Variants in AMZ1 observed in about 807,000 individuals in gnomAD.
The protein encoded by AMZ1 is archaelysin family metallopeptidase 1, also known as archaemetzincin-1.
In AMZ1, 39 loss-of-function variants were observed where a neutral mutation model predicts 29.9. That is an observed-to-expected ratio of 1.30 (90% CI 1.01 to 1.70). AMZ1 has a LOEUF of 1.70. AMZ1 is among the 40% of genes most tolerant of loss of function. The pLI is 0.00. For synonymous variants in AMZ1, 458 were observed against 304.0 expected (o/e 1.51, Z -5.27); for missense variants, 1,041 against 680.6 (o/e 1.53, Z -5.89).
intron 4 of AMZ1, among the ~76,000 whole-genome samples, chr7:2,752,184 C>T (rs1333936329): frequency 3.9e-5 from 6 of 151,974 alleles, no homozygotes; most frequent in Admixed American, 3.3e-4. Flanking sequence ...GAAAAAAATA[C>T]GAATGTTTCA....
upstream of AMZ1, chr7:2,763,191 A>AACACACACAC (rs56384682): frequency 0.024 from 5,379 of 222,524 alleles, 172 homozygotes; most frequent in South Asian, 0.049. Flanking sequence ...AAGACACCCC[A>AACACACACAC]ACACACACAC....
intron 4 of AMZ1, 52 bp downstream of exon 4, chr7:2,708,768 G>A (rs1237793860): frequency 6.2e-7 from 1 of 1,607,746 alleles, no homozygotes; most frequent in Non-Finnish European, 8.5e-7. Context: ...GCATGGGGCT[G>A]TGGCCTCCGT....
intron 1 of AMZ1, among the ~76,000 whole-genome samples, chr7:2,688,798 C>G (rs1163751133): frequency 6.6e-6 from 1 of 152,160 alleles, no homozygotes; most frequent in African/African-American, 2.4e-5. Context: ...GGCTTCCTCC[C>G]CCAGGAGACT....
chr7:2,740,994 G>A (rs1318769975), intron 4 of AMZ1, among the ~76,000 whole-genome samples: 1 of 152,210 alleles, frequency 6.6e-6, no homozygotes, highest in Non-Finnish European at 1.5e-5. Context: ...GCAGTGAGCT[G>A]AGATCGGGCC....
chr7:2,735,460 C>T (rs1217346263), intron 4 of AMZ1, among the ~76,000 whole-genome samples: 9 of 150,362 alleles, frequency 6.0e-5, no homozygotes, highest in African/African-American at 2.2e-4. Context: ...CCTGGACACA[C>T]GTGCTCCGCC....
At chr7:2,693,095 GTGTT>G (rs200550211) in intron 1 of AMZ1, among the ~76,000 whole-genome samples, 2,843 of 152,242 alleles carry the variant, frequency 0.019, 102 homozygotes, top group African/African-American at 0.064. Flanking sequence ...CTGTAGGGGG[GTGTT>G]TGTTTGTTTG....
At chr7:2,734,893 G>C (rs577174795) in intron 4 of AMZ1, among the ~76,000 whole-genome samples, 1 of 152,270 alleles carries the variant, frequency 6.6e-6, no homozygotes, top group South Asian at 2.1e-4. Flanking sequence ...GAAGGCATCG[G>C]GAGTGCCAGG....
At chr7:2,720,628 C>G (rs752273465), downstream of AMZ1, among the ~76,000 whole-genome samples, 1 of 152,036 alleles carries the variant, frequency 6.6e-6, no homozygotes, top group Non-Finnish European at 1.5e-5. Flanking sequence ...TGGTCTTGAA[C>G]TCCTGACCTC....
At chr7:2,720,340 T>G (rs1349633468), downstream of AMZ1, among the ~76,000 whole-genome samples, 1 of 152,190 alleles carries the variant, frequency 6.6e-6, no homozygotes, top group African/African-American at 2.4e-5. Flanking sequence ...GGTGAACACT[T>G]TTTATGCGCT....
chr7:2,699,921 C>G (rs1047867566), intron 1 of AMZ1, among the ~76,000 whole-genome samples: 26 of 152,222 alleles, frequency 1.7e-4, no homozygotes, highest in African/African-American at 5.5e-4. Context: ...GGACACATGT[C>G]CCTGCCCCTG....
At chr7:2,759,539 T>C (rs1392859215) in intron 4 of AMZ1, among the ~76,000 whole-genome samples, 1 of 152,204 alleles carries the variant, frequency 6.6e-6, no homozygotes, top group African/African-American at 2.4e-5. Flanking sequence ...AAGGAATAAT[T>C]AGCCAAATAC....
chr7:2,698,105 G>A lies in AMZ1; in HGVS notation c.-218-2129G>A, dbSNP rs78827600. On this transcript the variant is annotated intron_variant, in intron 1 of 6. Transcript: ENST00000683327. Reference sequence around the variant, plus strand: ...TTTTCCAGATGAATGTGTGACACTGGAGTTAGTGGGCCAGGCGTGGTACGT... The same window carrying A: ...TTTTCCAGATGAATGTGTGACACTGAAGTTAGTGGGCCAGGCGTGGTACGT... Among the ~76,000 whole-genome samples the A allele has an allele frequency of 9.4e-3, 1,427 of 152,244 alleles. 21 individuals carry two copies. The highest frequency in any genetic ancestry group is 0.033 in the African/African-American group (1,353 of 41,532).
chr7:2,754,190 C>G (rs945381521), intron 4 of AMZ1, among the ~76,000 whole-genome samples: 1 of 152,182 alleles, frequency 6.6e-6, no homozygotes, highest in African/African-American at 2.4e-5. Flanking sequence ...TAGCTCACAG[C>G]AGTCTGAGTC....
rs1788647368 is a variant in AMZ1, at chr7:2,709,810, G to A, written c.942G>A (p.Arg314=). The part of the protein sequence containing the change: ...QHVLGFRLIE[R]YQRLYTWTQA... Reference sequence around the variant, plus strand: ...TCCTGGGTTTCAGGCTCATCGAGAGGTACCAGGTGAGTGGCTGAGTTGCGC... The same window carrying A: ...TCCTGGGTTTCAGGCTCATCGAGAGATACCAGGTGAGTGGCTGAGTTGCGC... Residue 314 remains arginine (R), a synonymous_variant, in exon 6 of 7, where the codon AGG becomes AGA. Coordinates refer to ENST00000683327, the MANE Select transcript of AMZ1 (RefSeq NM_001384743.1). 1 of 1,611,800 alleles carries A rather than the reference G, an allele frequency of 6.2e-7. No individual in the cohort carries two copies. Among genetic ancestry groups the A allele is most frequent in the South Asian group, 1.1e-5 (1 of 90,988 alleles).
At chr7:2,706,418 C>G (rs2115139697) in intron 3 of AMZ1, among the ~76,000 whole-genome samples, 1 of 152,352 alleles carries the variant, frequency 6.6e-6, no homozygotes, top group South Asian at 2.1e-4. Context: ...TTTCCTGGGA[C>G]TGCCGTAACA....
intron 1 of AMZ1, among the ~76,000 whole-genome samples, chr7:2,680,019 G>A (rs1315070787): frequency 6.6e-6 from 1 of 152,210 alleles, no homozygotes; most frequent in African/African-American, 2.4e-5. Flanking sequence ...ACAGCTGGCG[G>A]TAGTGAGACG....
downstream of AMZ1, among the ~76,000 whole-genome samples, chr7:2,724,482 A>G (rs1266153673): frequency 6.6e-6 from 1 of 152,202 alleles, no homozygotes; most frequent in Non-Finnish European, 1.5e-5. Flanking sequence ...CACCAACAGG[A>G]CCAGGCAAGA....
At chr7:2,737,015 C>G (rs1204509166) in intron 4 of AMZ1, among the ~76,000 whole-genome samples, 1 of 152,210 alleles carries the variant, frequency 6.6e-6, no homozygotes, top group East Asian at 1.9e-4. Flanking sequence ...TACCCACATG[C>G]TTGGTTCAGT....
chr7:2,762,428 A>G (rs771937091), upstream of AMZ1: 1 of 492,922 alleles, frequency 2.0e-6, no homozygotes, highest in South Asian at 4.1e-5. Context: ...TAACTTGGCC[A>G]AGGGCAAAAA....
Sources: gnomAD v4.1 joint callset for allele counts (sites outside exome capture counted in the v4.1 genomes callset) on GRCh38, gnomAD v4.1.1 for gene constraint, MANE v1.5 for transcripts, NCBI Gene and HGNC (gene_info 2026-07-23, HGNC 2026-07-21) for gene names.